The following UQCC1 variants were observed in gnomAD, a reference collection of about 807,000 sequenced individuals.
UQCC1 encodes the protein bFGF-repressed Zic-binding protein.
A neutral mutation model predicts 48.0 loss-of-function variants in UQCC1; 38 were observed. The ratio of observed to expected loss-of-function variants is 0.79; its 90% confidence interval spans 0.61 to 1.04. The LOEUF (loss-of-function observed/expected upper bound fraction) is 1.04, where lower values mean the gene tolerates loss of function less well. Ranked by LOEUF, UQCC1 falls within the 50% of genes least tolerant of loss-of-function variation. UQCC1 has a pLI of 0.00. For synonymous variants in UQCC1, 111 were observed against 129.2 expected (o/e 0.86, Z 0.95); for missense variants, 368 against 381.8 (o/e 0.96, Z 0.30).
intron 7 of UQCC1, among the ~76,000 whole-genome samples, chr20:35,332,158 C>T (rs1048774233): frequency 7.9e-5 from 12 of 152,160 alleles, no homozygotes; most frequent in East Asian, 7.7e-4. Context: ...ACTTTAGAGG[C>T]GAACAGCAGA....
intron 5 of UQCC1, 122 bp from the exon 6 acceptor site, chr20:35,366,736 C>T (rs1399934879): frequency 2.6e-6 from 2 of 770,328 alleles, no homozygotes; most frequent in African/African-American, 3.5e-5. Context: ...CAGAAAAGTC[C>T]AGTAGAACAA....
intron 6 of UQCC1, among the ~76,000 whole-genome samples, chr20:35,358,041 A>G (rs1389181770): frequency 1.3e-5 from 2 of 152,152 alleles, no homozygotes; most frequent in African/African-American, 4.8e-5. Flanking sequence ...ATGCTAAAAC[A>G]TAATAAATAA....
At position 35,319,894 on chromosome 20, in the gene UQCC1, A is replaced by C. The variant is rs577732504; in HGVS notation, c.574-5129T>G. ...AGATATTTATGTGACTGCTTAACAG[A>C]GGAACCAGACTATGTGGATACAGGG... On this transcript the variant is annotated intron_variant, in intron 7 of 9. Transcript: ENST00000374385. 3.3e-5 allele frequency among the ~76,000 whole-genome samples: 5 copies of C among 152,312 alleles called. No individual in the cohort carries two copies. The South Asian group carries it at 1.0e-3, about 32-fold the overall frequency.
intron 1 of UQCC1, among the ~76,000 whole-genome samples, chr20:35,398,753 T>TGGGGGGGGGGGGGG (rs3055777): frequency 9.4e-6 from 1 of 106,424 alleles, no homozygotes; most frequent in Admixed American, 9.6e-5. Flanking sequence ...GGGCCAAAGG[T>TGGGGGGGGGGGGGG]GGGGGGGGGG....
chr20:35,305,835 C>T lies in UQCC1; in HGVS notation c.765+831G>A, dbSNP rs1199315478. On this transcript the variant is annotated intron_variant, in intron 9 of 9. Transcript: ENST00000374385. Reference sequence around the variant, plus strand: ...CAGCTCCAGGGGCCAGGCCATGAAGCAAAGGTGTGACTCATGGCACAGCCT... The same window carrying T: ...CAGCTCCAGGGGCCAGGCCATGAAGTAAAGGTGTGACTCATGGCACAGCCT... Among the ~76,000 whole-genome samples, 3 of 152,326 alleles carry T rather than the reference C, an allele frequency of 2.0e-5. No homozygotes were observed. In the South Asian group the frequency reaches 6.2e-4, roughly 32 times the overall value.
intron 4 of UQCC1, among the ~76,000 whole-genome samples, chr20:35,379,937 A>C (rs2146477130): frequency 6.6e-6 from 1 of 152,330 alleles, no homozygotes; most frequent in Non-Finnish European, 1.5e-5. Context: ...GAAAAATCAG[A>C]GGCTAACTTA....
chr20:35,311,601 C>A (rs1387665237), intron 8 of UQCC1, among the ~76,000 whole-genome samples: 1 of 152,204 alleles, frequency 6.6e-6, no homozygotes, highest in African/African-American at 2.4e-5. Context: ...GTTAGCAATG[C>A]AGAATCTCAG....
At chr20:35,366,752 C>T (rs575862349) in intron 5 of UQCC1, 138 bp from the exon 6 acceptor site, 7 of 644,806 alleles carry the variant, frequency 1.1e-5, no homozygotes, top group African/African-American at 1.9e-5. Flanking sequence ...AACAATAGGG[C>T]GAGACCACAG....
intron 1 of UQCC1, among the ~76,000 whole-genome samples, 165 bp from the exon 2 acceptor site, chr20:35,394,361 G>C (rs889053295): frequency 1.3e-5 from 2 of 152,080 alleles, no homozygotes; most frequent in Non-Finnish European, 2.9e-5. Flanking sequence ...TCTGAGTGAG[G>C]GGGGTGTCTG....
intron 7 of UQCC1, among the ~76,000 whole-genome samples, chr20:35,338,886 A>ATATATATATATATATATATAT (rs1448648931): frequency 3.5e-5 from 2 of 56,758 alleles, no homozygotes; most frequent in Non-Finnish European, 5.9e-5. Context: ...AAAAAAAAAA[A>ATATATATATATATATATATAT]AAAAAAATAT....
chr20:35,308,052 A>G (rs2060948078), intron 8 of UQCC1, among the ~76,000 whole-genome samples: 2 of 152,208 alleles, frequency 1.3e-5, no homozygotes, highest in Non-Finnish European at 2.9e-5. Flanking sequence ...GGTAAACATT[A>G]CCCAAAGACC....
intron 6 of UQCC1, among the ~76,000 whole-genome samples, chr20:35,352,423 C>T (rs1009085512): frequency 2.6e-5 from 4 of 152,128 alleles, no homozygotes; most frequent in African/African-American, 9.7e-5. Flanking sequence ...TAGCACTGAC[C>T]GGAGATGAGT....
intron 1 of UQCC1, among the ~76,000 whole-genome samples, chr20:35,406,261 A>C (rs763261765): frequency 6.6e-6 from 1 of 152,188 alleles, no homozygotes; most frequent in African/African-American, 2.4e-5. Flanking sequence ...GGAATCCAAG[A>C]AGCTCTACTA....
rs577590383 is a variant in UQCC1 at position 35,311,122 on chromosome 20, C to G, written c.651+3566G>C. Among the ~76,000 whole-genome samples, 6 of 152,226 alleles carry G rather than the reference C, an allele frequency of 3.9e-5. No homozygotes were observed. In the South Asian group the frequency reaches 1.2e-3, roughly 32 times the overall value. On this transcript the variant is annotated intron_variant, in intron 8 of 9. Coordinates refer to ENST00000374385, the MANE Select transcript of UQCC1 (RefSeq NM_018244.5). ...AAGACTCAGCTACTGCCCTCAACCC[C>G]TCATTGTTAGGTAGAGTCTCAGTCA...
chr20:35,360,773 A>C (rs948910434), intron 6 of UQCC1, among the ~76,000 whole-genome samples: 3 of 152,156 alleles, frequency 2.0e-5, no homozygotes, highest in African/African-American at 7.2e-5. Context: ...CAGGACACAG[A>C]TAGTGAGCGC....
chr20:35,313,468 G>C (rs1257946381), intron 8 of UQCC1, among the ~76,000 whole-genome samples: 1 of 151,050 alleles, frequency 6.6e-6, no homozygotes, highest in Non-Finnish European at 1.5e-5. Flanking sequence ...AAAAAAGCAA[G>C]TTGCAGAATC....
intron 1 of UQCC1, among the ~76,000 whole-genome samples, chr20:35,399,951 AGTCTTACTCT>A (rs1483751967): frequency 2.1e-5 from 2 of 94,474 alleles, no homozygotes; most frequent in Non-Finnish European, 2.0e-5. Context: ...TTTGAGATGG[AGTCTTACTCT>A]GTCACCCAGG....
chr20:35,356,510 G>A (rs1004380736), intron 6 of UQCC1, among the ~76,000 whole-genome samples: 4 of 152,114 alleles, frequency 2.6e-5, no homozygotes, highest in East Asian at 3.8e-4. Context: ...ACACAACTAC[G>A]TGCCAGGCAC....
intron 8 of UQCC1, among the ~76,000 whole-genome samples, chr20:35,309,622 CA>C (rs1479025487): frequency 1.3e-5 from 2 of 152,112 alleles, no homozygotes; most frequent in African/African-American, 4.8e-5. Flanking sequence ...AATTTCCCCC[CA>C]ATCTAATCGG....
Sources: gnomAD v4.1 joint callset for allele counts (sites outside exome capture counted in the v4.1 genomes callset) on GRCh38, gnomAD v4.1.1 for gene constraint, MANE v1.5 for transcripts, NCBI Gene and HGNC (gene_info 2026-07-23, HGNC 2026-07-21) for gene names.